FANCC: variants seen among roughly 807,000 people sequenced by gnomAD.
The protein encoded by FANCC is FA complementation group C.
Under a neutral mutation model 71.3 loss-of-function variants are expected in FANCC, and 55 were observed. The ratio of observed to expected loss-of-function variants is 0.77; its 90% CI spans 0.62 to 0.97. The LOEUF (loss-of-function observed/expected upper bound fraction) is 0.97. Among genes scored for constraint, FANCC ranks in the 50% least tolerant of loss-of-function variants. The pLI, the probability that FANCC is intolerant of heterozygous loss-of-function variation, is 0.00. For synonymous variants in FANCC, 275 were observed against 244.9 expected (o/e 1.12, Z -1.15); for missense variants, 678 against 670.9 (o/e 1.01, Z -0.12).
At chr9:95,264,159 T>G (rs1480127746) in intron 1 of FANCC, among the ~76,000 whole-genome samples, 1 of 152,210 alleles carries the variant, frequency 6.6e-6, no homozygotes, top group East Asian at 1.9e-4. Context: ...CTTAACACCA[T>G]TCTTTGGCTT....
intron 11 of FANCC, among the ~76,000 whole-genome samples, chr9:95,115,465 T>A (rs564396553): frequency 6.6e-6 from 1 of 152,342 alleles, no homozygotes; most frequent in African/African-American, 2.4e-5. Flanking sequence ...AGGGCTGTGA[T>A]GAATTCACAA....
At chr9:95,139,182 G>A (rs1047229119) in intron 7 of FANCC, among the ~76,000 whole-genome samples, 1 of 152,210 alleles carries the variant, frequency 6.6e-6, no homozygotes, top group Non-Finnish European at 1.5e-5. Flanking sequence ...GCAAATGGCC[G>A]ATAAAAATGT....
intron 1 of FANCC, among the ~76,000 whole-genome samples, chr9:95,271,143 A>C (rs542518302): frequency 3.9e-5 from 6 of 152,304 alleles, no homozygotes; most frequent in African/African-American, 1.4e-4. Flanking sequence ...ACTGGCACCC[A>C]GTGGGCAGAG....
chr9:95,255,132 T>C (rs1170965549), intron 1 of FANCC, among the ~76,000 whole-genome samples: 1 of 152,100 alleles, frequency 6.6e-6, no homozygotes, highest in Non-Finnish European at 1.5e-5. Context: ...GGCGCAGCTA[T>C]AGCAGAATTA....
intron 4 of FANCC, among the ~76,000 whole-genome samples, chr9:95,235,874 A>G (rs13291424): frequency 1.4e-5 from 2 of 145,836 alleles, no homozygotes; most frequent in African/African-American, 5.1e-5. Context: ...AAAAAAAGCA[A>G]CAAGGGGCAC....
At chr9:95,292,760 TGACA>T (rs1834124743) in intron 1 of FANCC, 1 of 1,456,072 alleles carries the variant, frequency 6.9e-7, no homozygotes, top group South Asian at 1.1e-5. Context: ...CCAGAGGCCC[TGACA>T]GACCATTTTC....
intron 4 of FANCC, among the ~76,000 whole-genome samples, chr9:95,209,575 T>C (rs1297234269): frequency 5.3e-5 from 8 of 152,330 alleles, no homozygotes; most frequent in Non-Finnish European, 1.0e-4. Context: ...TAAAAGCCCA[T>C]GTATGAATTA....
intron 12 of FANCC, among the ~76,000 whole-genome samples, chr9:95,111,864 C>T (rs2134559291): frequency 6.6e-6 from 1 of 152,286 alleles, no homozygotes; most frequent in East Asian, 1.9e-4. Flanking sequence ...AGGCCTGAGG[C>T]CTTTGGACAT....
intron 4 of FANCC, among the ~76,000 whole-genome samples, chr9:95,196,517 T>C (rs1827467372): frequency 6.6e-6 from 1 of 152,120 alleles, no homozygotes; most frequent in Non-Finnish European, 1.5e-5. Context: ...GCTCTTTGTA[T>C]ACCTAGTTAT....
At position 95,230,941 on chromosome 9, in the gene FANCC, G is replaced by A. The variant is rs141624214; in HGVS notation, c.345+9708C>T. 9.2e-5 allele frequency among the ~76,000 whole-genome samples: 14 copies of A among 151,976 alleles called. No homozygotes were observed. In the East Asian group the frequency reaches 2.5e-3, roughly 27 times the overall value. ...CATTGGTCTGTTTTTACAGAGTGCTGATTGGTGTGTTTACAATCCTTTAGC... is the reference window on the plus strand; with the variant it reads ...CATTGGTCTGTTTTTACAGAGTGCTAATTGGTGTGTTTACAATCCTTTAGC... On this transcript the variant is annotated intron_variant, in intron 4 of 14. Transcript: ENST00000289081.
chr9:95,204,525 T>C (rs1349510456), intron 4 of FANCC, among the ~76,000 whole-genome samples: 3 of 152,314 alleles, frequency 2.0e-5, no homozygotes, highest in East Asian at 1.9e-4. Context: ...CGGGTTGGCC[T>C]TGGTGTCTTA....
chr9:95,304,980 C>A (rs1834991463), intron 1 of FANCC, among the ~76,000 whole-genome samples: 1 of 152,108 alleles, frequency 6.6e-6, no homozygotes, highest in South Asian at 2.1e-4. Context: ...AACAGAATTT[C>A]AAAAGCAAGT....
At chr9:95,247,358 C>A in intron 3 of FANCC, 74 bp downstream of exon 3, 1 of 1,084,302 alleles carries the variant, frequency 9.2e-7, no homozygotes, top group Non-Finnish European at 1.4e-6. Flanking sequence ...GAGAAAGGTT[C>A]ATAATGTAAG....
At chr9:95,176,596 T>A (rs568306128) in intron 4 of FANCC, among the ~76,000 whole-genome samples, 1 of 152,380 alleles carries the variant, frequency 6.6e-6, no homozygotes, top group Non-Finnish European at 1.5e-5. Context: ...TGAGGCACTA[T>A]GTTCTCTAAG....
chr9:95,174,358 A>G (rs1825879205), intron 4 of FANCC, among the ~76,000 whole-genome samples: 1 of 152,074 alleles, frequency 6.6e-6, no homozygotes, highest in Non-Finnish European at 1.5e-5. Context: ...TCATGACTTA[A>G]TCACCCCCAA....
chr9:95,188,200 A>G (rs1381918401), intron 4 of FANCC, among the ~76,000 whole-genome samples: 3 of 152,118 alleles, frequency 2.0e-5, no homozygotes, highest in Non-Finnish European at 2.9e-5. Context: ...ATCACTGCCA[A>G]TACTAAACTG....
rs4647467 is a variant in FANCC, at chr9:95,199,962, T to C, written c.346-27815A>G. Among the ~76,000 whole-genome samples the C allele has an allele frequency of 8.9e-3, 1,351 of 152,340 alleles. 24 individuals are homozygous for C. The highest frequency in any genetic ancestry group is 0.031 in the African/African-American group (1,285 of 41,574). Reference sequence around the variant, plus strand: ...TATTTTTAGGATGATTTATACAAGTTAGTAGCTATCTGCTCCATGCAGTAT... The same window carrying C: ...TATTTTTAGGATGATTTATACAAGTCAGTAGCTATCTGCTCCATGCAGTAT... On this transcript the variant is annotated intron_variant, in intron 4 of 14. Transcript: ENST00000289081.
Position 95,247,563 on chromosome 9 carries a change from T to C in FANCC, c.166-47A>G, listed in dbSNP as rs770149814. ...TGGTCAGTAAAGGCATTATGCAACT[T>C]AGAAATACTGAACTGACATTATAGA... On this transcript the variant is annotated intron_variant, in intron 2 of 14. Coordinates refer to ENST00000289081, the MANE Select transcript of FANCC (RefSeq NM_000136.3). 23 of 1,190,544 alleles carry C rather than the reference T, an allele frequency of 1.9e-5. No homozygotes were observed. The South Asian group carries it at 2.7e-4, about 14-fold the overall frequency. 73.7% of individuals were successfully genotyped at this position (1,190,544 alleles called of 1,614,324 possible).
intron 1 of FANCC, among the ~76,000 whole-genome samples, chr9:95,312,636 A>G (rs375096992): frequency 2.0e-5 from 3 of 152,252 alleles, no homozygotes; most frequent in South Asian, 2.1e-4. Flanking sequence ...GATTACAGGC[A>G]TAAGTCACCA....
Sources: gnomAD v4.1 joint callset for allele counts (sites outside exome capture counted in the v4.1 genomes callset) on GRCh38, gnomAD v4.1.1 for gene constraint, MANE v1.5 for transcripts, NCBI Gene and HGNC (gene_info 2026-07-23, HGNC 2026-07-21) for gene names.